Variants in NRG1 observed in about 807,000 individuals in gnomAD.
NRG1 encodes the protein neuregulin 1.
A neutral mutation model predicts 63.8 loss-of-function variants in NRG1; 18 were observed. The ratio of observed to expected loss-of-function variants is 0.28; its 90% CI spans 0.19 to 0.42. NRG1 has a LOEUF of 0.42. Ranked by LOEUF, NRG1 falls within the 10% of genes least tolerant of loss-of-function variation. The pLI, the probability that NRG1 is intolerant of heterozygous loss-of-function variation, is 1.00. For missense variants in NRG1, 762 were observed against 814.7 expected, an observed-to-expected ratio of 0.94 and a Z score of 0.79; for synonymous variants, 302 against 301.3, an observed-to-expected ratio of 1.00 and a Z score of -0.02.
At chr8:31,667,088 C>T (rs1032166484) in intron 1 of NRG1, among the ~76,000 whole-genome samples, 4 of 152,210 alleles carry the variant, frequency 2.6e-5, no homozygotes, top group Admixed American at 2.6e-4. Flanking sequence ...CTCTGGGAGA[C>T]AAAGACGTTC....
chr8:32,604,870 C>G (rs1187068547), intron 2 of NRG1, among the ~76,000 whole-genome samples: 3 of 104,292 alleles, frequency 2.9e-5, no homozygotes, highest in Admixed American at 1.9e-4. Context: ...ACAATGCTGC[C>G]CATGTTAAAA....
At chr8:32,219,239 A>T (rs1344515833) in intron 1 of NRG1, among the ~76,000 whole-genome samples, 1 of 152,220 alleles carries the variant, frequency 6.6e-6, no homozygotes, top group Admixed American at 6.5e-5. Context: ...TAGAGGTTAG[A>T]AAATATTACT....
At chr8:32,276,984 G>A (rs1296669001) in intron 1 of NRG1, among the ~76,000 whole-genome samples, 2 of 152,194 alleles carry the variant, frequency 1.3e-5, no homozygotes, top group African/African-American at 2.4e-5. Flanking sequence ...TGGCCTTGCA[G>A]AAGCCTGCAA....
intron 1 of NRG1, among the ~76,000 whole-genome samples, chr8:31,746,269 A>G (rs1454720379): frequency 2.0e-5 from 3 of 152,008 alleles, no homozygotes; most frequent in African/African-American, 4.8e-5. Flanking sequence ...GCCTCTCAGC[A>G]TAACTGCTTT....
chr8:31,866,036 G>T (rs1206262887), intron 1 of NRG1, among the ~76,000 whole-genome samples: 3 of 152,152 alleles, frequency 2.0e-5, no homozygotes. Context: ...TGCGGTTCTT[G>T]TCTCAGCCCT....
Position 31,772,204 on chromosome 8 carries a change from T to C in NRG1, c.37+132773T>C, listed in dbSNP as rs191602328. Among the ~76,000 whole-genome samples the C allele has an allele frequency of 1.2e-4, 18 of 152,348 alleles. No homozygotes were observed. The East Asian group carries it at 2.7e-3, about 23-fold the overall frequency. ...CATGATCTATCTCCCTTTTCAAAGC[T>C]GTTAAACTTTTGTCTTCTTTAAATG... On this transcript the variant is annotated intron_variant, in intron 1 of 10. Transcript: ENST00000519301.
At position 32,357,586 on chromosome 8, in the gene NRG1, C is replaced by T. The variant is rs75838726; in HGVS notation, c.38-238242C>T. The stretch of plus-strand genomic sequence containing the variant: ...ACCAAGATCTAATTTGACATGATTA[C>T]GTAATTGTGTGGCCATTTGTGCCCT... On this transcript the variant is annotated intron_variant, in intron 1 of 10. Coordinates refer to the NRG1 transcript ENST00000519301. Among the ~76,000 whole-genome samples, 295 of 152,268 alleles carry T rather than the reference C, an allele frequency of 1.9e-3. 1 individual carries two copies. Among genetic ancestry groups the T allele is most frequent in the African/African-American group, 6.2e-3 (258 of 41,556 alleles).
chr8:32,272,168 G>C (rs1851616009), intron 1 of NRG1, among the ~76,000 whole-genome samples: 1 of 152,160 alleles, frequency 6.6e-6, no homozygotes, highest in Non-Finnish European at 1.5e-5. Flanking sequence ...CACCATTCTG[G>C]AGGCTGGAAG....
chr8:31,698,609 G>A (rs1043194776), intron 1 of NRG1, among the ~76,000 whole-genome samples: 2 of 152,166 alleles, frequency 1.3e-5, no homozygotes, highest in East Asian at 1.9e-4. Flanking sequence ...AAGTTTTCAT[G>A]AAAATTCTAA....
chr8:32,115,480 A>G (rs1020816320), intron 1 of NRG1, among the ~76,000 whole-genome samples: 2 of 152,180 alleles, frequency 1.3e-5, no homozygotes, highest in Non-Finnish European at 2.9e-5. Context: ...TATATTTACT[A>G]TTCATTAAGA....
intron 5 of NRG1, chr8:32,646,683 TAGA>T (rs1376060371): frequency 1.0e-6 from 1 of 984,794 alleles, no homozygotes; most frequent in African/African-American, 1.8e-5. Context: ...ACAGCTTTTG[TAGA>T]GAAAGAAAGA....
rs747959382 is a variant in NRG1, at chr8:32,279,790, A to G, written c.38-316038A>G. ...TAGGTAACACTAGTTTCCAGCAGGC[A>G]CTCTCCATTACCTGCGTCTGTTAGG... is the stretch of plus-strand genomic sequence containing the variant. On this transcript the variant is annotated intron_variant, in intron 1 of 10. Transcript: ENST00000519301. Among the ~76,000 whole-genome samples the G allele has an allele frequency of 2.0e-4, 31 of 152,094 alleles. No homozygotes were observed. The Middle Eastern group carries it at 0.01, about 50-fold the overall frequency.
chr8:31,810,658 G>A (rs952560366), intron 1 of NRG1, among the ~76,000 whole-genome samples: 3 of 152,134 alleles, frequency 2.0e-5, no homozygotes, highest in African/African-American at 7.2e-5. Flanking sequence ...CTCTCATCCA[G>A]TTATCATCCA....
exon 4 of NRG1, chr8:32,614,551 A>G (rs1846979579): frequency 6.2e-7 from 1 of 1,612,382 alleles, no homozygotes; most frequent in Non-Finnish European, 8.5e-7. Flanking sequence ...CTGAAGGAGC[A>G]TATGTGTCTT....
chr8:31,648,795 C>T (rs1238858832), intron 1 of NRG1, among the ~76,000 whole-genome samples: 1 of 152,194 alleles, frequency 6.6e-6, no homozygotes, highest in Non-Finnish European at 1.5e-5. Flanking sequence ...TTTGTTTATT[C>T]ATCCATCCAT....
At chr8:31,658,620 G>A (rs1052612262) in intron 1 of NRG1, among the ~76,000 whole-genome samples, 1 of 152,112 alleles carries the variant, frequency 6.6e-6, no homozygotes, top group Non-Finnish European at 1.5e-5. Context: ...GCACCGCCAT[G>A]CCTGGCTAAT....
rs182176637 is a variant in NRG1 at position 32,092,066 on chromosome 8, A to T, written c.37+452635A>T. Among the ~76,000 whole-genome samples the T allele has an allele frequency of 9.7e-3, 1,474 of 152,122 alleles. 12 individuals are homozygous for T. Among genetic ancestry groups the T allele is most frequent in the Middle Eastern group, 0.014 (4 of 294 alleles). On this transcript the variant is annotated intron_variant, in intron 1 of 10. Coordinates refer to the NRG1 transcript ENST00000519301. ...ACAAAAATTCAAGAAGTAATTTTTT[A>T]AAAAAAATACAGTAACATTTAAAAA...
chr8:31,963,882 G>A (rs1805884664), intron 1 of NRG1, among the ~76,000 whole-genome samples: 1 of 152,190 alleles, frequency 6.6e-6, no homozygotes, highest in African/African-American at 2.4e-5. Flanking sequence ...CATTTTAATA[G>A]GTGAATTGTC....
At chr8:32,592,981 A>G (rs1406029916) in intron 1 of NRG1, among the ~76,000 whole-genome samples, 1 of 152,208 alleles carries the variant, frequency 6.6e-6, no homozygotes, top group Admixed American at 6.5e-5. Flanking sequence ...TGGTATTCTT[A>G]TAATACAGTA....
Sources: gnomAD v4.1 joint callset for allele counts (sites outside exome capture counted in the v4.1 genomes callset) on GRCh38, gnomAD v4.1.1 for gene constraint, MANE v1.5 for transcripts, NCBI Gene and HGNC (gene_info 2026-07-23, HGNC 2026-07-21) for gene names.